ASIC2: variants seen among roughly 807,000 people sequenced by gnomAD.
ASIC2 encodes acid-sensing ion channel 2.
ASIC2 carries 25 observed loss-of-function variants against 57.3 expected under a neutral mutation model. The observed-to-expected ratio is 0.44, with a 90% CI of 0.32 to 0.61. The LOEUF (loss-of-function observed/expected upper bound fraction) is 0.61, where lower values mean the gene tolerates loss of function less well. Among genes scored for constraint, ASIC2 ranks in the 20% least tolerant of loss-of-function variants. ASIC2 has a pLI of 0.06. For synonymous variants in ASIC2, 319 were observed against 307.5 expected, an observed-to-expected ratio of 1.04 and a Z score of -0.39; for missense variants, 641 against 738.1, an observed-to-expected ratio of 0.87 and a Z score of 1.52.
chr17:33,880,804 C>CA (rs1019003173), intron 1 of ASIC2, among the ~76,000 whole-genome samples: 18 of 151,942 alleles, frequency 1.2e-4, no homozygotes, highest in Non-Finnish European at 2.9e-5. Context: ...AGAGATACAA[C>CA]AAAAAAAGAG....
intron 1 of ASIC2, among the ~76,000 whole-genome samples, chr17:33,151,370 T>C (rs1904792449): frequency 6.6e-6 from 1 of 151,618 alleles, no homozygotes; most frequent in Admixed American, 6.6e-5. Context: ...AGATACTTTG[T>C]CTCAAGAAAA....
intron 1 of ASIC2, among the ~76,000 whole-genome samples, chr17:33,436,322 C>T (rs1159679850): frequency 6.6e-6 from 1 of 152,242 alleles, no homozygotes; most frequent in African/African-American, 2.4e-5. Context: ...TTTCTATAAA[C>T]TCTTGCTGCT....
intron 1 of ASIC2, among the ~76,000 whole-genome samples, chr17:33,216,257 A>G (rs1000600470): frequency 2.6e-5 from 4 of 152,192 alleles, no homozygotes; most frequent in Non-Finnish European, 4.4e-5. Flanking sequence ...TAAATATGTC[A>G]TGATGTCTAA....
chr17:33,126,843 C>T (rs1377799682), intron 1 of ASIC2, among the ~76,000 whole-genome samples: 1 of 148,614 alleles, frequency 6.7e-6, no homozygotes, highest in African/African-American at 2.5e-5. Flanking sequence ...CTCCCAGCAA[C>T]CCTACCATTA....
In ASIC2 at chr17:33,813,370, A is replaced by AAAAC. The variant is rs551935444; in HGVS notation, c.555+342604_555+342607dup. On this transcript the variant is annotated intron_variant, in intron 1 of 9. Transcript: ENST00000359872. Reference sequence around the variant, plus strand: ...TCAAGGTTGAAAAAACAAAAAACAAAAAACAAACAAACAAACAAACAAACC... The same window carrying AAAAC: ...TCAAGGTTGAAAAAACAAAAAACAAAAAACAAACAAACAAACAAACAAACAAACC... Among the ~76,000 whole-genome samples the AAAAC allele has an allele frequency of 2.5e-4, 38 of 152,276 alleles. No individual in the cohort carries two copies. In the South Asian group the frequency reaches 4.4e-3, roughly 17 times the overall value.
chr17:33,149,654 T>C (rs944030815), intron 1 of ASIC2, among the ~76,000 whole-genome samples: 3 of 152,204 alleles, frequency 2.0e-5, no homozygotes, highest in East Asian at 1.9e-4. Context: ...CATGAGTGTC[T>C]TTCACATAGT....
intron 1 of ASIC2, among the ~76,000 whole-genome samples, chr17:34,142,634 G>A (rs557172916): frequency 6.6e-6 from 1 of 152,288 alleles, no homozygotes; most frequent in African/African-American, 2.4e-5. Flanking sequence ...CTTATTCACT[G>A]CCATTTGCAA....
chr17:33,700,618 T>C (rs898538791), intron 1 of ASIC2, among the ~76,000 whole-genome samples: 2 of 152,216 alleles, frequency 1.3e-5, no homozygotes, highest in Non-Finnish European at 1.5e-5. Flanking sequence ...ATACTACTAA[T>C]AAAGCATTCA....
rs73280950 is a variant in ASIC2, at chr17:33,684,736, G to A, written c.555+471242C>T. ...GGCCCCAATGGTTTAAGAAAGAAAG[G>A]AAAAAATTTTTTTAATTGAGGAAAT... On this transcript the variant is annotated intron_variant, in intron 1 of 9. Coordinates refer to the ASIC2 transcript ENST00000359872. 4.3e-3 allele frequency among the ~76,000 whole-genome samples: 649 copies of A among 151,736 alleles called. 7 individuals are homozygous for A. The highest frequency in any genetic ancestry group is 0.015 in the African/African-American group (608 of 41,418).
Position 33,663,940 on chromosome 17 carries a change from C to T in ASIC2, c.555+492038G>A, listed in dbSNP as rs374545764. Among the ~76,000 whole-genome samples, 6 of 152,300 alleles carry T rather than the reference C, an allele frequency of 3.9e-5. No homozygotes were observed. In the East Asian group the frequency reaches 9.6e-4, roughly 24 times the overall value. ...TACCGCCAGCTGCCCCAAACCTGTC[C>T]TCACCCAGGGCTGTGTGAATTCTTT... On this transcript the variant is annotated intron_variant, in intron 1 of 9. Transcript: ENST00000359872.
intron 1 of ASIC2, among the ~76,000 whole-genome samples, chr17:33,187,071 T>C (rs1159267081): frequency 6.6e-6 from 1 of 152,212 alleles, no homozygotes; most frequent in East Asian, 1.9e-4. Context: ...GGTGGTCTGC[T>C]GCCAGTCTGA....
rs572751055 is a variant in ASIC2 at position 33,807,995 on chromosome 17, T to A, written c.555+347983A>T. Reference sequence around the variant, plus strand: ...TCCCAGTATGTGGCTTCTCATTTTATTCTGTTGATGGTGTCTTTCACAGAG... The same window carrying A: ...TCCCAGTATGTGGCTTCTCATTTTAATCTGTTGATGGTGTCTTTCACAGAG... On this transcript the variant is annotated intron_variant, in intron 1 of 9. Transcript: ENST00000359872. 2.0e-5 allele frequency among the ~76,000 whole-genome samples: 3 copies of A among 152,384 alleles called. No homozygotes were observed. The South Asian group carries it at 6.2e-4, about 32-fold the overall frequency.
intron 2 of ASIC2, among the ~76,000 whole-genome samples, chr17:33,106,477 T>C (rs1293300318): frequency 6.6e-6 from 1 of 152,104 alleles, no homozygotes; most frequent in Non-Finnish European, 1.5e-5. Flanking sequence ...CTCGAACCCT[T>C]TTAGAATTTG....
chr17:33,840,015 CAGTG>C (rs1913387011), intron 1 of ASIC2, among the ~76,000 whole-genome samples: 1 of 152,206 alleles, frequency 6.6e-6, no homozygotes, highest in South Asian at 2.1e-4. Context: ...TGGGTTATAT[CAGTG>C]AGCATGCTGA....
At chr17:33,420,972 A>G (rs1397446982) in intron 1 of ASIC2, among the ~76,000 whole-genome samples, 1 of 152,212 alleles carries the variant, frequency 6.6e-6, no homozygotes, top group Non-Finnish European at 1.5e-5. Context: ...TTGGAACATT[A>G]TCTTCTAGTT....
chr17:33,584,347 C>T (rs1904543579), intron 1 of ASIC2, among the ~76,000 whole-genome samples: 1 of 152,244 alleles, frequency 6.6e-6, no homozygotes, highest in Admixed American at 6.5e-5. Context: ...GTCTAGTTCT[C>T]TTGTGGGGTG....
chr17:33,785,924 C>T (rs1475684720), intron 1 of ASIC2, among the ~76,000 whole-genome samples: 5 of 152,206 alleles, frequency 3.3e-5, no homozygotes, highest in African/African-American at 7.2e-5. Flanking sequence ...GAATCTGCGT[C>T]GGCTGCTTCA....
At chr17:33,944,119 A>C (rs182461572) in intron 1 of ASIC2, among the ~76,000 whole-genome samples, 2 of 152,222 alleles carry the variant, frequency 1.3e-5, no homozygotes, top group East Asian at 3.9e-4. Flanking sequence ...TCTGTCTGAA[A>C]ACCTGTATAA....
chr17:33,974,473 G>A (rs530837630), intron 1 of ASIC2, among the ~76,000 whole-genome samples: 250 of 152,270 alleles, frequency 1.6e-3, no homozygotes, highest in African/African-American at 6.0e-3. Flanking sequence ...CTGGCGGCAT[G>A]CAGTCTCAGT....
Sources: gnomAD v4.1 joint callset for allele counts (sites outside exome capture counted in the v4.1 genomes callset) on GRCh38, gnomAD v4.1.1 for gene constraint, MANE v1.5 for transcripts, NCBI Gene and HGNC (gene_info 2026-07-23, HGNC 2026-07-21) for gene names.